NAV3: variants seen among roughly 807,000 people sequenced by gnomAD.
The protein encoded by NAV3 is pore membrane and/or filament interacting like protein 1.
In NAV3, 87 loss-of-function variants were observed where a neutral mutation model predicts 244.7. The ratio of observed to expected loss-of-function variants is 0.36; its 90% CI spans 0.30 to 0.42. The LOEUF (loss-of-function observed/expected upper bound fraction) is 0.42. NAV3 is among the 20% of genes least tolerant of loss of function. The probability of loss-of-function intolerance (pLI) is 1.00; values close to 1 mark genes in which losing one functional copy is unlikely to be tolerated. For missense variants in NAV3, 2,663 were observed against 2,893.3 expected (o/e 0.92, Z 1.83); for synonymous variants, 1,126 against 1,042.2 (o/e 1.08, Z -1.55).
At chr12:78,080,044 G>A (rs1227279101) in intron 12 of NAV3, among the ~76,000 whole-genome samples, 2 of 152,094 alleles carry the variant, frequency 1.3e-5, no homozygotes, top group African/African-American at 2.4e-5. Flanking sequence ...TGAACCTGTT[G>A]CCCTCTTCCC....
At chr12:77,830,724 A>G (rs1367115055), upstream of NAV3, among the ~76,000 whole-genome samples, 1 of 152,262 alleles carries the variant, frequency 6.6e-6, no homozygotes, top group East Asian at 1.9e-4. Flanking sequence ...GTCAGTAGTG[A>G]AAAATAGCTG....
intron 2 of NAV3, among the ~76,000 whole-genome samples, chr12:77,639,002 G>A (rs189962980): frequency 6.6e-6 from 1 of 152,174 alleles, no homozygotes; most frequent in African/African-American, 2.4e-5. Context: ...GATCATAGGG[G>A]TAATGGTGTG....
intron 1 of NAV3, among the ~76,000 whole-genome samples, chr12:77,845,741 C>CCTCCTGGGTTCAAGTGATT (rs1387348143): frequency 6.6e-6 from 1 of 151,388 alleles, no homozygotes; most frequent in Non-Finnish European, 1.5e-5. Flanking sequence ...GCAACATCCG[C>CCTCCTGGGTTCAAGTGATT]CTCCTGGGTT....
intron 7 of NAV3, among the ~76,000 whole-genome samples, chr12:77,999,199 T>C (rs994124458): frequency 1.3e-5 from 2 of 152,306 alleles, no homozygotes; most frequent in South Asian, 4.1e-4. Flanking sequence ...TACACCTCAA[T>C]CATGAGGAAG....
intron 2 of NAV3, among the ~76,000 whole-genome samples, chr12:77,732,810 T>C (rs567783556): frequency 6.6e-6 from 1 of 152,100 alleles, no homozygotes; most frequent in South Asian, 2.1e-4. Flanking sequence ...AACTACACTG[T>C]AGATGATGGA....
chr12:78,205,250 A>G, intron 39 of NAV3, 112 bp downstream of exon 39: 1 of 1,153,780 alleles, frequency 8.7e-7, no homozygotes, highest in Non-Finnish European at 1.2e-6. Flanking sequence ...CATTTGGAAC[A>G]GTTTTAACCC....
intron 2 of NAV3, among the ~76,000 whole-genome samples, chr12:77,794,420 T>G (rs1379795797): frequency 6.6e-6 from 1 of 152,184 alleles, no homozygotes; most frequent in Non-Finnish European, 1.5e-5. Flanking sequence ...CCTACACCCT[T>G]ACCAGTCTCT....
chr12:77,788,298 A>G (rs771370551), intron 2 of NAV3, among the ~76,000 whole-genome samples: 18 of 152,324 alleles, frequency 1.2e-4, no homozygotes, highest in Middle Eastern at 3.4e-3. Context: ...GAGATCCTGA[A>G]TGCAGTGCAA....
At chr12:77,641,582 T>C (rs192602388) in intron 2 of NAV3, among the ~76,000 whole-genome samples, 36 of 152,224 alleles carry the variant, frequency 2.4e-4, no homozygotes, top group Non-Finnish European at 3.8e-4. Context: ...ACTAAAAACA[T>C]TATGAAGAAA....
At position 78,127,200 on chromosome 12, in the gene NAV3, G is replaced by T. The variant is rs1322403567; in HGVS notation, c.4272G>T (p.Lys1424Asn). 1.2e-6 allele frequency: 2 copies of T among 1,613,460 alleles called. No individual in the cohort carries two copies. Among genetic ancestry groups the T allele is most frequent in the Non-Finnish European group, 1.7e-6 (2 of 1,179,636 alleles). The change falls in exon 17 of 40, where the codon AAG becomes AAT. Residue 1424 changes from lysine (K) to asparagine (N), a missense_variant. Around this residue, in one of 6 missense-constraint regions of NAV3, gnomAD observed 354 missense variants for 413.0 expected, o/e 0.86. Coordinates refer to ENST00000397909, the MANE Select transcript of NAV3 (RefSeq NM_001024383.2). ...TTGACAGAAATACACTACCCAAAAA[G>T]GGACTAAGGTATATATTCCTCTCAG... ...MQLDRNTLPK[K>N]GLRYTPSSRQ...
intron 11 of NAV3, chr12:78,056,104 C>T (rs1324341327): frequency 6.6e-6 from 1 of 152,086 alleles, no homozygotes. Context: ...TGAAACTTCC[C>T]CTGTTTACTC....
chr12:77,776,997 G>A (rs971625143), intron 2 of NAV3, among the ~76,000 whole-genome samples: 5 of 152,148 alleles, frequency 3.3e-5, no homozygotes, highest in African/African-American at 2.4e-5. Flanking sequence ...CATTTATTCA[G>A]TGAAATATTG....
intron 2 of NAV3, among the ~76,000 whole-genome samples, chr12:77,657,443 G>T (rs1234267693): frequency 3.3e-5 from 5 of 152,190 alleles, no homozygotes; most frequent in East Asian, 1.9e-4. Flanking sequence ...AATAACAGGA[G>T]CTGAAATTGT....
chr12:77,913,132 GGT>G (rs1021615814), intron 1 of NAV3, among the ~76,000 whole-genome samples: 3 of 151,856 alleles, frequency 2.0e-5, no homozygotes, highest in African/African-American at 7.3e-5. Flanking sequence ...CCCAAAACAT[GGT>G]CTATATGGTT....
chr12:77,698,884 G>C (rs911714698), intron 2 of NAV3, among the ~76,000 whole-genome samples: 17 of 151,886 alleles, frequency 1.1e-4, no homozygotes, highest in African/African-American at 3.9e-4. Context: ...GGAATAGCAG[G>C]GGTTTGGTTT....
intron 12 of NAV3, among the ~76,000 whole-genome samples, chr12:78,074,424 A>G (rs1952940310): frequency 6.6e-6 from 1 of 152,154 alleles, no homozygotes; most frequent in Non-Finnish European, 1.5e-5. Flanking sequence ...TGATGTAGCC[A>G]GGCGCAGTGT....
chr12:78,000,321 A>G (rs1023319969), intron 7 of NAV3, among the ~76,000 whole-genome samples: 1 of 152,094 alleles, frequency 6.6e-6, no homozygotes, highest in Non-Finnish European at 1.5e-5. Flanking sequence ...TATAATAAAG[A>G]CATCTGGAAT....
chr12:77,711,881 G>A (rs1198719050), intron 2 of NAV3, among the ~76,000 whole-genome samples: 6 of 152,116 alleles, frequency 3.9e-5, no homozygotes, highest in Non-Finnish European at 8.8e-5. Flanking sequence ...TCCTATTTGT[G>A]TCTCCTGTAT....
intron 2 of NAV3, among the ~76,000 whole-genome samples, chr12:77,612,012 T>A (rs696458): frequency 0.2 from 30,710 of 152,016 alleles, 4,203 homozygotes; most frequent in African/African-American, 0.39. Flanking sequence ...GTATTTATTC[T>A]TATGATTTCA....
Sources: allele counts gnomAD v4.1 joint callset (sites outside exome capture counted in the v4.1 genomes callset), GRCh38; gene constraint gnomAD v4.1.1; regional missense constraint gnomAD v4.1.1; transcripts MANE v1.5; gene names NCBI Gene and HGNC (gene_info 2026-07-23, HGNC 2026-07-21).